MGAT4C: variants seen among roughly 807,000 people sequenced by gnomAD.
MGAT4C encodes the protein alpha-1,3-mannosyl-glycoprotein 4-beta-N-acetylglucosaminyltransferase C.
In MGAT4C, 19 loss-of-function variants were observed where a neutral mutation model predicts 40.1. The observed-to-expected ratio is 0.47, with a 90% confidence interval of 0.33 to 0.70. The LOEUF (loss-of-function observed/expected upper bound fraction) is 0.70, where lower values mean the gene tolerates loss of function less well. MGAT4C is among the 30% of genes least tolerant of loss of function. The probability of loss-of-function intolerance (pLI) is 0.02; values close to 1 mark genes in which losing one functional copy is unlikely to be tolerated. For missense variants in MGAT4C, 491 were observed against 563.2 expected, an observed-to-expected ratio of 0.87 and a Z score of 1.30; for synonymous variants, 181 against 187.1, an observed-to-expected ratio of 0.97 and a Z score of 0.27.
At chr12:86,414,648 A>G (rs1258493218) in intron 3 of MGAT4C, among the ~76,000 whole-genome samples, 1 of 152,134 alleles carries the variant, frequency 6.6e-6, no homozygotes, top group African/African-American at 2.4e-5. Flanking sequence ...TATAATCTTA[A>G]TCATTGTGTC....
At chr12:86,056,216 G>A (rs537373397) in intron 1 of MGAT4C, among the ~76,000 whole-genome samples, 7 of 152,064 alleles carry the variant, frequency 4.6e-5, no homozygotes, top group Non-Finnish European at 7.4e-5. Context: ...TGCAGTATGT[G>A]AAATGAGTGA....
At chr12:86,258,215 G>T (rs1164031434), upstream of MGAT4C, among the ~76,000 whole-genome samples, 43 of 148,792 alleles carry the variant, frequency 2.9e-4, no homozygotes, top group African/African-American at 9.5e-4. Flanking sequence ...TTTTTTTTTT[G>T]TTTGTTTGTT....
Position 86,700,782 on chromosome 12 carries a change from G to T in MGAT4C, c.-229+26427C>A, listed in dbSNP as rs560886041. On this transcript the variant is annotated intron_variant, in intron 2 of 7. Transcript: ENST00000548651. Reference sequence around the variant, plus strand: ...TATTTTTATTTAAAAGACCAATATTGCTTAGTACATTGTACATAATACTTC... The same window carrying T: ...TATTTTTATTTAAAAGACCAATATTTCTTAGTACATTGTACATAATACTTC... 2.6e-5 allele frequency among the ~76,000 whole-genome samples: 4 copies of T among 152,094 alleles called. No homozygotes were observed. The East Asian group carries it at 7.7e-4, about 29-fold the overall frequency.
In MGAT4C at chr12:85,975,949, A is replaced by G. The variant is rs562073987; in HGVS notation, c.*3340T>C. 1.1e-4 allele frequency: 16 copies of G among 151,190 alleles called. No individual in the cohort carries two copies. Among genetic ancestry groups the G allele is most frequent in the Non-Finnish European group, 1.8e-4 (12 of 67,186 alleles). 9.4% of individuals were successfully genotyped at this position (151,190 alleles called of 1,614,324 possible). On this transcript the variant is annotated 3_prime_UTR_variant, in exon 5 of 5. Coordinates refer to ENST00000611864, the MANE Select transcript of MGAT4C (RefSeq NM_001351288.2). ...GATGGCACTGGATGTAGTGTTTTCA[A>G]TGTTAATCCTGGTATCATGTTCTTT... is the stretch of plus-strand genomic sequence containing the variant.
chr12:86,741,756 A>G (rs1445970504), intron 1 of MGAT4C, among the ~76,000 whole-genome samples: 1 of 151,366 alleles, frequency 6.6e-6, no homozygotes. Flanking sequence ...CAACTGCCTG[A>G]GATTTTCATG....
intron 2 of MGAT4C, among the ~76,000 whole-genome samples, chr12:86,588,001 G>C (rs929050970): frequency 6.6e-6 from 1 of 152,016 alleles, no homozygotes; most frequent in Non-Finnish European, 1.5e-5. Flanking sequence ...TAGGAGTGGT[G>C]AGAGAGGGCA....
chr12:86,415,021 C>T (rs1277007326), intron 3 of MGAT4C, among the ~76,000 whole-genome samples: 1 of 152,008 alleles, frequency 6.6e-6, no homozygotes, highest in African/African-American at 2.4e-5. Flanking sequence ...ACTGGTGATA[C>T]TAGACAAACC....
At chr12:86,480,701 G>A (rs1957923707) in intron 2 of MGAT4C, among the ~76,000 whole-genome samples, 1 of 151,522 alleles carries the variant, frequency 6.6e-6, no homozygotes, top group South Asian at 2.1e-4. Flanking sequence ...ATAGTTACAT[G>A]CTACTTATAG....
chr12:86,160,779 G>A (rs1374621967), intron 1 of MGAT4C, among the ~76,000 whole-genome samples: 1 of 151,946 alleles, frequency 6.6e-6, no homozygotes, highest in East Asian at 1.9e-4. Context: ...TATATATTTA[G>A]GATACTTAAG....
rs944157260 is a variant in MGAT4C, at chr12:86,356,639, C to A, written c.-119-22512G>T. Among the ~76,000 whole-genome samples the A allele has an allele frequency of 4.6e-5, 7 of 152,196 alleles. No individual in the cohort carries two copies. The South Asian group carries it at 1.5e-3, about 32-fold the overall frequency. On this transcript the variant is annotated intron_variant, in intron 3 of 7. Coordinates refer to the MGAT4C transcript ENST00000548651. ...TCCCCACCCTAATACTGGGCTTTTC[C>A]AAGGGTCTTAGCAAATGGCACACCA...
intron 1 of MGAT4C, among the ~76,000 whole-genome samples, chr12:86,177,473 TA>T (rs1400616221): frequency 1.3e-5 from 2 of 152,120 alleles, no homozygotes; most frequent in Non-Finnish European, 2.9e-5. Context: ...TTTTTTCAAG[TA>T]AGCTTGCAAA....
chr12:86,055,209 A>T (rs972363992), intron 1 of MGAT4C, among the ~76,000 whole-genome samples: 3 of 152,046 alleles, frequency 2.0e-5, no homozygotes, highest in Admixed American at 6.6e-5. Context: ...AAGAGTGATG[A>T]TTTATTCAAA....
intron 2 of MGAT4C, among the ~76,000 whole-genome samples, chr12:86,491,000 TCAA>T (rs1431148190): frequency 6.6e-6 from 1 of 152,058 alleles, no homozygotes; most frequent in Non-Finnish European, 1.5e-5. Context: ...ATTAGACAGA[TCAA>T]CGAGACAGAA....
rs1041059474 is a variant in MGAT4C, at chr12:85,956,030, A to T, written c.*23259T>A. 8 of 152,220 alleles carry T rather than the reference A, an allele frequency of 5.3e-5. No individual in the cohort carries two copies. The highest frequency in any genetic ancestry group is 1.0e-4 in the Non-Finnish European group (7 of 68,028). The allele number at this position is 152,220 out of a possible 1,614,324, so 9.4% of individuals were successfully genotyped here. On this transcript the variant is annotated 3_prime_UTR_variant, in exon 5 of 5. Transcript: ENST00000611864. ...ATATAGTAAAATGTAGAGGTTTTCA[A>T]TTGGTTTACAGGAAGTCTGATTTTT...
chr12:86,510,920 T>C (rs2136347747), intron 2 of MGAT4C, among the ~76,000 whole-genome samples: 1 of 151,306 alleles, frequency 6.6e-6, no homozygotes, highest in African/African-American at 2.4e-5. Context: ...CTGTCAACAT[T>C]AGACAGATCA....
At chr12:86,379,165 A>C (rs1955884192) in intron 3 of MGAT4C, among the ~76,000 whole-genome samples, 1 of 152,072 alleles carries the variant, frequency 6.6e-6, no homozygotes, top group South Asian at 2.1e-4. Flanking sequence ...TTACCTTATA[A>C]ATTTGTGGAA....
intron 2 of MGAT4C, among the ~76,000 whole-genome samples, chr12:86,568,368 T>G (rs1453887438): frequency 6.6e-6 from 1 of 152,040 alleles, no homozygotes; most frequent in East Asian, 1.9e-4. Flanking sequence ...CCTTATGCAC[T>G]CTTGGACTTA....
intron 2 of MGAT4C, among the ~76,000 whole-genome samples, chr12:86,612,599 A>C (rs1236825788): frequency 1.3e-5 from 2 of 151,870 alleles, no homozygotes; most frequent in African/African-American, 4.8e-5. Context: ...AAAACACACA[A>C]AAAAATTAGA....
At chr12:86,132,123 T>A (rs1253237393) in intron 1 of MGAT4C, among the ~76,000 whole-genome samples, 1 of 152,154 alleles carries the variant, frequency 6.6e-6, no homozygotes. Context: ...TTTATTCTCA[T>A]GCTGAAATTA....
Sources: gnomAD v4.1 joint callset for allele counts (sites outside exome capture counted in the v4.1 genomes callset) on GRCh38, gnomAD v4.1.1 for gene constraint, MANE v1.5 for transcripts, NCBI Gene and HGNC (gene_info 2026-07-23, HGNC 2026-07-21) for gene names.